The following KICS2 variants were observed in gnomAD, a reference collection of about 807,000 sequenced individuals.
The protein encoded by KICS2 is KICSTOR subunit 2.
KICS2 carries 13 observed loss-of-function variants against 31.4 expected under a neutral mutation model. The ratio of observed to expected loss-of-function variants is 0.41; its 90% CI spans 0.27 to 0.66. The LOEUF is 0.66. Ranked by LOEUF, KICS2 falls within the 30% of genes least tolerant of loss-of-function variation. The probability of loss-of-function intolerance (pLI) is 0.28; values close to 1 mark genes in which losing one functional copy is unlikely to be tolerated. For synonymous variants in KICS2, 209 were observed against 214.8 expected, an observed-to-expected ratio of 0.97 and a Z score of 0.24; for missense variants, 455 against 545.4, an observed-to-expected ratio of 0.83 and a Z score of 1.65.
At chr12:64,189,216 C>T (rs1352679682), downstream of KICS2, among the ~76,000 whole-genome samples, 2 of 152,152 alleles carry the variant, frequency 1.3e-5, no homozygotes, top group Non-Finnish European at 2.9e-5. Flanking sequence ...TTTATCCATC[C>T]ATTCCATATG....
At chr12:64,197,358 T>A (rs1280587137) in intron 2 of KICS2, among the ~76,000 whole-genome samples, 6 of 145,390 alleles carry the variant, frequency 4.1e-5, no homozygotes, top group Non-Finnish European at 9.1e-5. Flanking sequence ...CTAAGCTTCA[T>A]AAGTGAAGGA....
At position 64,221,098 on chromosome 12, in the gene KICS2, T is replaced by A. The variant is rs185175227; in HGVS notation, c.235+905A>T. 9.3e-4 allele frequency among the ~76,000 whole-genome samples: 105 copies of A among 112,550 alleles called. 1 individual carries two copies. The highest frequency in any genetic ancestry group is 3.2e-3 in the African/African-American group (97 of 30,554). The allele number at this position is 112,550 out of a possible 152,430, so 73.8% of individuals were successfully genotyped here. A position where few individuals can be genotyped will look rare whatever the true frequency, so the allele number is the denominator to read the frequency against. ...AGGCAATATAAGGAAAGTAGGGGGCTGGTTAGGGAACGGGGGGGGGTGGAT... is the reference window on the plus strand; with the variant it reads ...AGGCAATATAAGGAAAGTAGGGGGCAGGTTAGGGAACGGGGGGGGGTGGAT... On this transcript the variant is annotated intron_variant, in intron 1 of 2. Coordinates refer to ENST00000398055, the MANE Select transcript of KICS2 (RefSeq NM_152440.5).
chr12:64,221,121 G>A (rs976429128), intron 1 of KICS2, among the ~76,000 whole-genome samples: 9 of 150,724 alleles, frequency 6.0e-5, no homozygotes, highest in Non-Finnish European at 1.3e-4. Flanking sequence ...GGGGGGGGTG[G>A]ATCAAAATGA....
At chr12:64,221,754 C>A (rs527911843) in intron 1 of KICS2, 8 of 582,780 alleles carry the variant, frequency 1.4e-5, no homozygotes, top group African/African-American at 9.3e-5. Flanking sequence ...AAGGGCAAAC[C>A]CTTCGGTTTG....
chr12:64,208,144 G>A (rs2037555954), intron 2 of KICS2, among the ~76,000 whole-genome samples: 1 of 152,060 alleles, frequency 6.6e-6, no homozygotes, highest in African/African-American at 2.4e-5. Context: ...CAAGTACCTG[G>A]GATTACAGGC....
At chr12:64,218,281 G>A (rs367585296) in intron 1 of KICS2, among the ~76,000 whole-genome samples, 35 of 152,182 alleles carry the variant, frequency 2.3e-4, no homozygotes, top group African/African-American at 8.4e-4. Context: ...AGGGTAATAA[G>A]AGTATCATAT....
chr12:64,203,790 G>A (rs2037512213), intron 2 of KICS2, among the ~76,000 whole-genome samples: 2 of 152,218 alleles, frequency 1.3e-5, no homozygotes, highest in Non-Finnish European at 2.9e-5. Context: ...CGATTATCAT[G>A]TGAAATGTCG....
Position 64,197,522 on chromosome 12 carries a change from C to A in KICS2, c.522-2864G>T, listed in dbSNP as rs1258090867. Among the ~76,000 whole-genome samples the A allele has an allele frequency of 1.1e-4, 17 of 151,450 alleles. No homozygotes were observed. The South Asian group carries it at 1.5e-3, about 13-fold the overall frequency. ...TGCCAAAATGTAAAGACCATCGAGACTAGGAAGAAACTGCATCAACTAACG... is the reference window on the plus strand; with the variant it reads ...TGCCAAAATGTAAAGACCATCGAGAATAGGAAGAAACTGCATCAACTAACG... On this transcript the variant is annotated intron_variant, in intron 2 of 2. Coordinates refer to ENST00000398055, the MANE Select transcript of KICS2 (RefSeq NM_152440.5).
At chr12:64,207,993 A>G (rs1361691500) in intron 2 of KICS2, among the ~76,000 whole-genome samples, 1 of 152,152 alleles carries the variant, frequency 6.6e-6, no homozygotes, top group African/African-American at 2.4e-5. Context: ...CAATGATTGG[A>G]CTTCTGCTTA....
At chr12:64,210,765 A>T (rs2037575606) in intron 2 of KICS2, among the ~76,000 whole-genome samples, 1 of 152,192 alleles carries the variant, frequency 6.6e-6, no homozygotes. Flanking sequence ...TGACAGAACA[A>T]GACCTCATCT....
At chr12:64,189,046 A>G (rs531990514), downstream of KICS2, among the ~76,000 whole-genome samples, 2 of 152,064 alleles carry the variant, frequency 1.3e-5, no homozygotes, top group Admixed American at 1.3e-4. Context: ...CCAGCTACTC[A>G]GGAGGCTGAG....
At chr12:64,219,872 T>C (rs1007785682) in intron 1 of KICS2, among the ~76,000 whole-genome samples, 39 of 152,222 alleles carry the variant, frequency 2.6e-4, no homozygotes, top group African/African-American at 7.7e-4. Flanking sequence ...AAGAAAACTA[T>C]ATAAATGTTC....
At position 64,219,801 on chromosome 12, in the gene KICS2, A is replaced by G. The variant is rs1474250045; in HGVS notation, c.235+2202T>C. Among the ~76,000 whole-genome samples, 5 of 152,214 alleles carry G rather than the reference A, an allele frequency of 3.3e-5. No individual in the cohort carries two copies. The East Asian group carries it at 5.8e-4, about 18-fold the overall frequency. On this transcript the variant is annotated intron_variant, in intron 1 of 2. Coordinates refer to ENST00000398055, the MANE Select transcript of KICS2 (RefSeq NM_152440.5). Reference sequence around the variant, plus strand: ...ATTATATCTCAGTAAGGCTAAAAAAACTTTTCAGAATTGTTTTAAATTTTT... The same window carrying G: ...ATTATATCTCAGTAAGGCTAAAAAAGCTTTTCAGAATTGTTTTAAATTTTT...
downstream of KICS2, among the ~76,000 whole-genome samples, chr12:64,188,587 TAGAGGG>T (rs200517223): frequency 8.2e-3 from 1,203 of 146,516 alleles, 18 homozygotes; most frequent in African/African-American, 0.027. Flanking sequence ...GGAAGAGAGA[TAGAGGG>T]AGAGGGAGAG....
At position 64,215,914 on chromosome 12, in the gene KICS2, A is replaced by G; in HGVS notation, c.285T>C (p.Thr95=). The G allele has an allele frequency of 1.2e-6, 2 of 1,614,068 alleles. No homozygotes were observed. Among genetic ancestry groups the G allele is most frequent in the Non-Finnish European group, 1.7e-6 (2 of 1,179,994 alleles). Reference sequence around the variant, plus strand: ...CCTTCTTCAGCTCATTATGCAATGAAGTATAGATGGTGCGGATGGAATCCT... The same window carrying G: ...CCTTCTTCAGCTCATTATGCAATGAGGTATAGATGGTGCGGATGGAATCCT... ...SRKDSIRTIY[T]SLHNELKKVV... Residue 95 remains threonine (T), a synonymous_variant, in exon 2 of 3, where the codon ACT becomes ACC. Transcript: ENST00000398055.
At chr12:64,209,458 G>A (rs144909723) in intron 2 of KICS2, among the ~76,000 whole-genome samples, 226 of 152,116 alleles carry the variant, frequency 1.5e-3, no homozygotes, top group African/African-American at 4.8e-3. Context: ...GGTGGCAGGC[G>A]CCTGTAATTC....
Position 64,202,884 on chromosome 12 carries a change from T to C in KICS2, c.522-8226A>G, listed in dbSNP as rs139432829. 7.9e-3 allele frequency among the ~76,000 whole-genome samples: 1,202 copies of C among 152,122 alleles called. 17 individuals carry two copies. Among genetic ancestry groups the C allele is most frequent in the African/African-American group, 0.026 (1,090 of 41,500 alleles). ...AAAGGGCAAGTTCAGGGACCCTAGA[T>C]AAGTGAGCACATGACCCATTTTCAC... On this transcript the variant is annotated intron_variant, in intron 2 of 2. Transcript: ENST00000398055.
chr12:64,189,082 G>A (rs2037360776), downstream of KICS2, among the ~76,000 whole-genome samples: 1 of 152,160 alleles, frequency 6.6e-6, no homozygotes, highest in Admixed American at 6.5e-5. Context: ...GAACCCTGGA[G>A]GCGGAGGTTG....
rs2037380223 is a variant in KICS2, at chr12:64,191,743, A to C, written c.*2099T>G. 1 of 152,220 alleles carries C rather than the reference A, an allele frequency of 6.6e-6. No homozygotes were observed. Among genetic ancestry groups the C allele is most frequent in the Non-Finnish European group, 1.5e-5 (1 of 68,050 alleles). 9.4% of individuals were successfully genotyped at this position (152,220 alleles called of 1,614,324 possible). A position where few individuals can be genotyped will look rare whatever the true frequency, so the allele number is the denominator to read the frequency against. ...TAAATCACTACTTTCTATTTAAAGC[A>C]AACTAGCTTTTTACAAAGCTTATGA... is the stretch of plus-strand genomic sequence containing the variant. On this transcript the variant is annotated 3_prime_UTR_variant, in exon 3 of 3. Transcript: ENST00000398055.
Sources: allele counts gnomAD v4.1 joint callset (sites outside exome capture counted in the v4.1 genomes callset), GRCh38; gene constraint gnomAD v4.1.1; transcripts MANE v1.5; gene names NCBI Gene and HGNC (gene_info 2026-07-23, HGNC 2026-07-21).